KIAA0319: variants seen among roughly 807,000 people sequenced by gnomAD.
KIAA0319 encodes dyslexia-associated protein KIAA0319.
KIAA0319 carries 83 observed loss-of-function variants against 108.4 expected under a neutral mutation model. The ratio of observed to expected loss-of-function variants is 0.77; its 90% CI spans 0.64 to 0.92. The LOEUF (loss-of-function observed/expected upper bound fraction) is 0.92, where lower values mean the gene tolerates loss of function less well. KIAA0319 is among the 40% of genes least tolerant of loss of function. The pLI is 0.00. For missense variants in KIAA0319, 1,195 were observed against 1,322.4 expected (o/e 0.90, Z 1.49); for synonymous variants, 484 against 510.4 (o/e 0.95, Z 0.70).
intron 2 of KIAA0319, chr6:24,598,645 G>A: frequency 3.3e-6 from 1 of 300,620 alleles, no homozygotes; most frequent in Non-Finnish European, 6.5e-6. Flanking sequence ...GGAGGCCGAG[G>A]TGGGTGGATC....
rs1398118764 is a variant in KIAA0319 at position 24,572,577 on chromosome 6, G to C, written c.1856C>G (p.Pro619Arg). 16 of 1,611,370 alleles carry C rather than the reference G, an allele frequency of 9.9e-6. No individual in the cohort carries two copies. Among genetic ancestry groups the C allele is most frequent in the Non-Finnish European group, 1.4e-5 (16 of 1,179,320 alleles). Residue 619 changes from proline to arginine, a missense_variant and splice_region_variant, in exon 11 of 21, where the codon CCT (proline) becomes CGT (arginine). Physicochemically the swap from Pro to Arg is moderately radical, Grantham distance 103 (BLOSUM62 -2). Transcript: ENST00000378214. ...STAVVTVIVQ[P>R]ENNRPPVAVA... Reference sequence around the variant, plus strand: ...AAATCTCTTTCTCCTCCACCTACCAGGCTGGACAATCACAGTCACCACAGC... The same window carrying C: ...AAATCTCTTTCTCCTCCACCTACCACGCTGGACAATCACAGTCACCACAGC...
intron 1 of KIAA0319, among the ~76,000 whole-genome samples, chr6:24,622,592 G>A (rs1011719351): frequency 6.6e-6 from 1 of 152,180 alleles, no homozygotes; most frequent in African/African-American, 2.4e-5. Flanking sequence ...AATAACTGTT[G>A]ATAATGCTAG....
chr6:24,620,704 G>A (rs536973379), intron 1 of KIAA0319, among the ~76,000 whole-genome samples: 12 of 152,106 alleles, frequency 7.9e-5, no homozygotes, highest in Non-Finnish European at 1.6e-4. Flanking sequence ...CTATAGAGTC[G>A]GTGGCTTAAA....
chr6:24,576,953 A>G (rs1005828653), intron 9 of KIAA0319, among the ~76,000 whole-genome samples: 1 of 152,144 alleles, frequency 6.6e-6, no homozygotes, highest in Non-Finnish European at 1.5e-5. Context: ...AAAGAAAAAA[A>G]GTAGACAAAA....
intron 1 of KIAA0319, among the ~76,000 whole-genome samples, chr6:24,637,823 TA>T (rs11325613): frequency 0.82 from 122,978 of 149,704 alleles, 50,701 homozygotes; most frequent in East Asian, 0.95. Flanking sequence ...ATCCTTCAGT[TA>T]AAAAAAAAAA....
At chr6:24,610,795 T>A (rs4712832) in intron 1 of KIAA0319, among the ~76,000 whole-genome samples, 27,799 of 151,862 alleles carry the variant, frequency 0.18, 2,611 homozygotes, top group East Asian at 0.23. Flanking sequence ...AAAAAAATTG[T>A]ACATGAATGT....
chr6:24,569,785 C>T, intron 12 of KIAA0319, 118 bp downstream of exon 12: 8 of 1,235,752 alleles, frequency 6.5e-6, no homozygotes, highest in Non-Finnish European at 3.4e-6. Flanking sequence ...TAGAAACGTG[C>T]TTAAATCCCG....
intron 1 of KIAA0319, among the ~76,000 whole-genome samples, chr6:24,614,452 C>G (rs1292434940): frequency 6.6e-6 from 1 of 152,130 alleles, no homozygotes; most frequent in Non-Finnish European, 1.5e-5. Flanking sequence ...ATTATCACCA[C>G]AAGTGCAACT....
chr6:24,558,024 T>C (rs1762539119), intron 17 of KIAA0319, among the ~76,000 whole-genome samples: 2 of 152,298 alleles, frequency 1.3e-5, no homozygotes, highest in African/African-American at 4.8e-5. Context: ...GGTGAGAATT[T>C]TGGACCTAGA....
chr6:24,551,594 C>A, intron 19 of KIAA0319, 69 bp from the exon 20 acceptor site: 1 of 1,050,506 alleles, frequency 9.5e-7, no homozygotes, highest in Non-Finnish European at 1.5e-6. Context: ...ATTTAACGCA[C>A]AGTAAAGACA....
rs999613134 is a variant in KIAA0319, at chr6:24,553,084, T to C, written c.2948+1457A>G. ...CAGCTCCATGGAAAAAGGAAACACC[T>C]AAAGCAAAAGTTCTCTTTGGCGGTG... On this transcript the variant is annotated intron_variant, in intron 19 of 20. Transcript: ENST00000378214. 4.6e-5 allele frequency among the ~76,000 whole-genome samples: 7 copies of C among 151,986 alleles called. No homozygotes were observed. The South Asian group carries it at 1.5e-3, about 32-fold the overall frequency.
At position 24,564,195 on chromosome 6, in the gene KIAA0319, A is replaced by G; in HGVS notation, c.2431+7T>C. 6.2e-7 allele frequency: 1 copy of G among 1,614,008 alleles called. No individual in the cohort carries two copies. The highest frequency in any genetic ancestry group is 8.5e-7 in the Non-Finnish European group (1 of 1,179,978). ...TGCATGGCCAGCTCCAGAGCCCAGG[A>G]ACTCACCTGGCTGCACTTCCACAGT... On this transcript the variant is annotated splice_region_variant and intron_variant, in intron 15 of 20. Coordinates refer to ENST00000378214, the MANE Select transcript of KIAA0319 (RefSeq NM_014809.4).
At chr6:24,607,254 G>A (rs369925119) in intron 1 of KIAA0319, among the ~76,000 whole-genome samples, 14 of 152,318 alleles carry the variant, frequency 9.2e-5, no homozygotes, top group Non-Finnish European at 1.5e-4. Context: ...TACTTGAGAG[G>A]CTGAGGTGGG....
chr6:24,595,869 T>A lies in KIAA0319; in HGVS notation c.801+4A>T. 6.3e-7 allele frequency: 1 copy of A among 1,587,524 alleles called. No individual in the cohort carries two copies. The highest frequency in any genetic ancestry group is 8.6e-7 in the Non-Finnish European group (1 of 1,166,052). ...ACCCCCAAGCACATCCTGAACACAC[T>A]CACCTCTTTTCCAGAGCTGTTGCTG... On this transcript the variant is annotated splice_donor_region_variant and intron_variant, in intron 3 of 20. Coordinates refer to ENST00000378214, the MANE Select transcript of KIAA0319 (RefSeq NM_014809.4).
chr6:24,559,644 A>T (rs2760165), intron 16 of KIAA0319, among the ~76,000 whole-genome samples: 42,271 of 151,624 alleles, frequency 0.28, 7,325 homozygotes, highest in African/African-American at 0.49. Flanking sequence ...GCAATGTATA[A>T]ATGTGTGCAA....
intron 17 of KIAA0319, among the ~76,000 whole-genome samples, chr6:24,556,997 GAGA>G (rs1762390684): frequency 6.6e-6 from 1 of 152,138 alleles, no homozygotes; most frequent in South Asian, 2.1e-4. Context: ...ACAAGGTCAG[GAGA>G]TCCAGACCAT....
chr6:24,595,806 T>A, intron 3 of KIAA0319, 67 bp downstream of exon 3: 10 of 1,502,264 alleles, frequency 6.7e-6, no homozygotes, highest in Non-Finnish European at 8.9e-6. Flanking sequence ...CTCCTGAAAC[T>A]CAGCCCCTCC....
intron 1 of KIAA0319, among the ~76,000 whole-genome samples, chr6:24,614,554 GA>G (rs949453329): frequency 9.2e-4 from 138 of 149,252 alleles, no homozygotes; most frequent in African/African-American, 2.9e-3. Context: ...AATCCTTCGG[GA>G]AAAAAAAACA....
rs1762346536 is a variant in KIAA0319 at position 24,556,733 on chromosome 6, C to A, written c.2735-4G>T. On this transcript the variant is annotated splice_polypyrimidine_tract_variant and splice_region_variant and intron_variant, in intron 17 of 20. Transcript: ENST00000378214. ...CCAGAACACTTCAGAAGGCAACCTG[C>A]AAAGAGGTGTGTAGGGCTGAGGGCA... 2 of 1,612,716 alleles carry A rather than the reference C, an allele frequency of 1.2e-6. No homozygotes were observed. Among genetic ancestry groups the A allele is most frequent in the Non-Finnish European group, 8.5e-7 (1 of 1,179,690 alleles).
Sources: gnomAD v4.1 joint callset for allele counts (sites outside exome capture counted in the v4.1 genomes callset) on GRCh38, gnomAD v4.1.1 for gene constraint, MANE v1.5 for transcripts, NCBI Gene and HGNC (gene_info 2026-07-23, HGNC 2026-07-21) for gene names.